The following HDAC4 variants were observed in gnomAD, a reference collection of about 807,000 sequenced individuals.
HDAC4 encodes the protein histone deacetylase 4.
In HDAC4, 16 loss-of-function variants were observed where a neutral mutation model predicts 135.1. The observed-to-expected ratio is 0.12, with a 90% CI of 0.08 to 0.18. The LOEUF is 0.18. HDAC4 is among the 10% of genes least tolerant of loss of function. The pLI is 1.00. For synonymous variants in HDAC4, 685 were observed against 653.4 expected, an observed-to-expected ratio of 1.05 and a Z score of -0.74; for missense variants, 1,143 against 1,511.8, an observed-to-expected ratio of 0.76 and a Z score of 4.05.
chr2:239,390,205 G>T (rs1696107139), intron 1 of HDAC4, among the ~76,000 whole-genome samples: 1 of 152,112 alleles, frequency 6.6e-6, no homozygotes, highest in South Asian at 2.1e-4. Context: ...TATCTGATGG[G>T]GAGCTACCAG....
At chr2:239,328,880 G>A (rs576446831) in intron 2 of HDAC4, among the ~76,000 whole-genome samples, 4 of 152,352 alleles carry the variant, frequency 2.6e-5, no homozygotes, top group Admixed American at 2.0e-4. Flanking sequence ...GACAACTGGG[G>A]GTTTATGACG....
intron 2 of HDAC4, among the ~76,000 whole-genome samples, chr2:239,263,809 C>A (rs1465204058): frequency 6.6e-6 from 1 of 152,166 alleles, no homozygotes; most frequent in Admixed American, 6.5e-5. Context: ...GCCTGCCTGG[C>A]CCCAGCTGTC....
At position 239,084,143 on chromosome 2, in the gene HDAC4, G is replaced by C. The variant is rs200346680; in HGVS notation, c.2532+12C>G. On this transcript the variant is annotated intron_variant, in intron 20 of 26. Transcript: ENST00000543185. ...CAACCTGAGCTGCGCTGGCCAAGGCGGCTCTGCTTACCCAGTCCACGATGA... is the reference window on the plus strand; with the variant it reads ...CAACCTGAGCTGCGCTGGCCAAGGCCGCTCTGCTTACCCAGTCCACGATGA... 25 of 1,605,696 alleles carry C rather than the reference G, an allele frequency of 1.6e-5. 1 individual carries two copies. In the African/African-American group the frequency reaches 2.7e-4, roughly 17 times the overall value.
At chr2:239,098,035 C>T (rs1429274859) in intron 16 of HDAC4, among the ~76,000 whole-genome samples, 1 of 152,260 alleles carries the variant, frequency 6.6e-6, no homozygotes, top group Non-Finnish European at 1.5e-5. Flanking sequence ...GAGACTGAAT[C>T]TCTTTGAAAT....
chr2:239,250,230 G>A (rs1336092167), intron 2 of HDAC4, among the ~76,000 whole-genome samples: 1 of 152,230 alleles, frequency 6.6e-6, no homozygotes, highest in African/African-American at 2.4e-5. Context: ...CATCACCTTA[G>A]GTGCTGAGAA....
intron 1 of HDAC4, among the ~76,000 whole-genome samples, chr2:239,399,457 C>G (rs1219701173): frequency 6.6e-6 from 1 of 152,162 alleles, no homozygotes; most frequent in Non-Finnish European, 1.5e-5. Context: ...GTCCTGAAAC[C>G]ACCACACCAG....
chr2:239,327,303 A>G (rs550250962), intron 2 of HDAC4, among the ~76,000 whole-genome samples: 1 of 152,290 alleles, frequency 6.6e-6, no homozygotes, highest in East Asian at 1.9e-4. Flanking sequence ...GAATAAGGCA[A>G]GCCGGGGCCC....
rs768394516 is a variant in HDAC4 at position 239,254,417 on chromosome 2, T to TA, written c.23-17754dup. Among the ~76,000 whole-genome samples the TA allele has an allele frequency of 6.0e-3, 686 of 113,542 alleles. 3 individuals are homozygous for TA. The highest frequency in any genetic ancestry group is 0.013 in the African/African-American group (401 of 30,030). 74.5% of individuals were successfully genotyped at this position (113,542 alleles called of 152,430 possible). A position where few individuals can be genotyped will look rare whatever the true frequency, so the allele number is the denominator to read the frequency against. On this transcript the variant is annotated intron_variant, in intron 2 of 26. Coordinates refer to ENST00000543185, the MANE Select transcript of HDAC4 (RefSeq NM_001378414.1). The stretch of plus-strand genomic sequence containing the variant: ...ATGTGGAAAAGACAACAAGCTGCGC[T>TA]AAAAAAAAAAAAAAGTTAAATGAAG...
intron 5 of HDAC4, among the ~76,000 whole-genome samples, chr2:239,169,564 T>G (rs1202171203): frequency 6.6e-6 from 1 of 152,232 alleles, no homozygotes; most frequent in Non-Finnish European, 1.5e-5. Flanking sequence ...AGGGCTCAGC[T>G]GCGCTCCTGG....
intron 3 of HDAC4, among the ~76,000 whole-genome samples, chr2:239,235,676 G>A (rs904244699): frequency 3.9e-5 from 6 of 152,208 alleles, no homozygotes; most frequent in African/African-American, 1.2e-4. Context: ...ATGTGGAAAC[G>A]GGTTTTACAG....
chr2:239,084,869 T>A (rs937200723), intron 19 of HDAC4, among the ~76,000 whole-genome samples: 1 of 147,550 alleles, frequency 6.8e-6, no homozygotes, highest in Non-Finnish European at 1.5e-5. Context: ...GCCCCACAGA[T>A]ACGCCCATAC....
chr2:239,106,176 C>T (rs1401609020), intron 15 of HDAC4, among the ~76,000 whole-genome samples: 4 of 152,214 alleles, frequency 2.6e-5, no homozygotes, highest in Admixed American at 1.3e-4. Flanking sequence ...GCAGAGGAGC[C>T]GAGGGCGGGC....
intron 21 of HDAC4, 133 bp downstream of exon 21, chr2:239,081,969 C>T: frequency 1.1e-6 from 1 of 892,000 alleles, no homozygotes; most frequent in Non-Finnish European, 1.8e-6. Context: ...ACTGAAGTTA[C>T]TGTCTGGGCT....
At position 239,209,471 on chromosome 2, in the gene HDAC4, C is replaced by T. The variant is rs1383525358; in HGVS notation, c.95-19394G>A. ...GACAAACACTTATCCTACTATTCTACGGGGAACAAAAAGATGGGATTCGTC... is the reference window on the plus strand; with the variant it reads ...GACAAACACTTATCCTACTATTCTATGGGGAACAAAAAGATGGGATTCGTC... On this transcript the variant is annotated intron_variant, in intron 3 of 26. Transcript: ENST00000543185. Among the ~76,000 whole-genome samples, 7 of 152,138 alleles carry T rather than the reference C, an allele frequency of 4.6e-5. No homozygotes were observed. The East Asian group carries it at 5.8e-4, about 13-fold the overall frequency.
chr2:239,381,438 G>A (rs948224038), intron 1 of HDAC4, among the ~76,000 whole-genome samples: 4 of 152,078 alleles, frequency 2.6e-5, no homozygotes, highest in South Asian at 2.1e-4. Context: ...GAAAAGAAAC[G>A]AAAAGGAGAG....
At chr2:239,236,463 A>G in intron 3 of HDAC4, 130 bp downstream of exon 3, 1 of 721,258 alleles carries the variant, frequency 1.4e-6, no homozygotes, top group South Asian at 1.6e-5. Context: ...GAGCACCCAA[A>G]TTCAGTGAAC....
intron 17 of HDAC4, chr2:239,094,500 A>G (rs1229554065): frequency 2.0e-6 from 2 of 1,014,766 alleles, no homozygotes; most frequent in Non-Finnish European, 2.4e-6. Context: ...CCAGTGATTC[A>G]TATGCCCAGG....
At position 239,134,288 on chromosome 2, in the gene HDAC4, C is replaced by G; in HGVS notation, c.1251G>C (p.Met417Ile). Reference protein sequence around the residue: ...GAAHSPLLQHMVLLEQPPAQA... With the variant: ...GAAHSPLLQHIVLLEQPPAQA... ...GTGCCGGCGGCTGCTCCAGTAAGACCATGTGCTGCAGAAGAGGGCTGTGCG... is the reference window on the plus strand; with the variant it reads ...GTGCCGGCGGCTGCTCCAGTAAGACGATGTGCTGCAGAAGAGGGCTGTGCG... Residue 417 changes from methionine (M) to isoleucine (I), a missense_variant, in exon 11 of 27, where the codon ATG becomes ATC. Coordinates refer to ENST00000543185, the MANE Select transcript of HDAC4 (RefSeq NM_001378414.1). The G allele has an allele frequency of 6.2e-7, 1 of 1,613,418 alleles. No homozygotes were observed. The highest frequency in any genetic ancestry group is 1.3e-5 in the African/African-American group (1 of 75,044).
chr2:239,177,070 A>C (rs2043821676), intron 4 of HDAC4, among the ~76,000 whole-genome samples: 1 of 152,224 alleles, frequency 6.6e-6, no homozygotes, highest in South Asian at 2.1e-4. Context: ...GCCTTGATGC[A>C]ACCCACATGT....
Sources: allele counts gnomAD v4.1 joint callset (sites outside exome capture counted in the v4.1 genomes callset), GRCh38; gene constraint gnomAD v4.1.1; transcripts MANE v1.5; gene names NCBI Gene and HGNC (gene_info 2026-07-23, HGNC 2026-07-21).